SCN9A: variants seen among roughly 807,000 people sequenced by gnomAD.
SCN9A encodes sodium voltage-gated channel alpha subunit 9.
In SCN9A, 131 loss-of-function variants were observed where a neutral mutation model predicts 187.0. The ratio of observed to expected loss-of-function variants is 0.70; its 90% confidence interval spans 0.61 to 0.81. The LOEUF (loss-of-function observed/expected upper bound fraction) is 0.81, where lower values mean the gene tolerates loss of function less well. SCN9A is among the 30% of genes least tolerant of loss of function. The probability of loss-of-function intolerance (pLI) is 0.00; values close to 1 mark genes in which losing one functional copy is unlikely to be tolerated. For missense variants in SCN9A, 2,252 were observed against 2,396.6 expected (o/e 0.94, Z 1.26); for synonymous variants, 809 against 808.6 (o/e 1.00, Z -0.01).
At position 166,278,799 on chromosome 2, in the gene SCN9A, A is replaced by C. The variant is rs565979280; in HGVS notation, c.2344-486T>G. ...TCAGCAGAAGAGAAAAAAGTATTTA[A>C]TTGACAATGTGGCAGCTAAAGTAAT... On this transcript the variant is annotated intron_variant, in intron 14 of 26. Transcript: ENST00000642356. 3.9e-5 allele frequency among the ~76,000 whole-genome samples: 6 copies of C among 152,314 alleles called. No individual in the cohort carries two copies. In the South Asian group the frequency reaches 1.0e-3, roughly 26 times the overall value.
At position 166,311,523 on chromosome 2, in the gene SCN9A, C is replaced by T. The variant is rs1329216354; in HGVS notation, c.234G>A (p.Leu78=). 6.2e-7 allele frequency: 1 copy of T among 1,609,126 alleles called. No homozygotes were observed. Among genetic ancestry groups the T allele is most frequent in the Admixed American group, 1.7e-5 (1 of 59,702 alleles). The change falls in exon 2 of 27, where the codon TTG becomes TTA. Residue 78 remains leucine, a synonymous_variant. Transcript: ENST00000642356. ...CCTTTTTGTCTGCATAGTAGGGGTCCAAGTCCTCCAGGGGCTCTGACACCA... is the reference window on the plus strand; with the variant it reads ...CCTTTTTGTCTGCATAGTAGGGGTCTAAGTCCTCCAGGGGCTCTGACACCA... ...PGMVSEPLED[L]DPYYADKKTF...
At chr2:166,322,932 A>C in intron 1 of SCN9A, among the ~76,000 whole-genome samples, 2 of 152,240 alleles carry the variant, frequency 1.3e-5, no homozygotes, top group South Asian at 4.1e-4. Context: ...TTATTTTGTA[A>C]AATGTAATTT....
intron 1 of SCN9A, among the ~76,000 whole-genome samples, chr2:166,373,010 A>G (rs912319524): frequency 6.6e-6 from 1 of 152,202 alleles, no homozygotes; most frequent in Non-Finnish European, 1.5e-5. Flanking sequence ...ATGATCAAAA[A>G]TGATCTTTCC....
chr2:166,223,641 AG>A (rs1326298865), intron 24 of SCN9A, among the ~76,000 whole-genome samples: 11 of 152,240 alleles, frequency 7.2e-5, no homozygotes, highest in Admixed American at 5.2e-4. Flanking sequence ...AATAAGTTCT[AG>A]GGACTTCCTG....
At chr2:166,255,221 T>G (rs1696216792) in intron 17 of SCN9A, among the ~76,000 whole-genome samples, 1 of 151,460 alleles carries the variant, frequency 6.6e-6, no homozygotes, top group Non-Finnish European at 1.5e-5. Context: ...GATTGTAAAC[T>G]TATGTAGCTA....
At chr2:166,247,865 A>G (rs1695863742) in intron 18 of SCN9A, among the ~76,000 whole-genome samples, 1 of 152,180 alleles carries the variant, frequency 6.6e-6, no homozygotes, top group African/African-American at 2.4e-5. Context: ...TGTCATGTTC[A>G]TAATTATATA....
chr2:166,303,760 A>G (rs12615462), intron 6 of SCN9A, among the ~76,000 whole-genome samples: 55,920 of 151,970 alleles, frequency 0.37, 11,169 homozygotes, highest in Non-Finnish European at 0.45. Flanking sequence ...TTTAAAATCA[A>G]TTAAAATGGA....
intron 24 of SCN9A, among the ~76,000 whole-genome samples, chr2:166,223,584 T>A (rs1304018721): frequency 2.0e-5 from 3 of 152,144 alleles, no homozygotes; most frequent in Non-Finnish European, 4.4e-5. Flanking sequence ...GATGGGAGAA[T>A]GGAGAATTGC....
At chr2:166,353,089 T>C (rs1315427816) in intron 1 of SCN9A, among the ~76,000 whole-genome samples, 2 of 151,610 alleles carry the variant, frequency 1.3e-5, no homozygotes, top group African/African-American at 4.8e-5. Context: ...GCGTGGTGGC[T>C]AATGTCTGTA....
intron 22 of SCN9A, among the ~76,000 whole-genome samples, chr2:166,228,247 C>CTTTTTTTTTT (rs33924683): frequency 4.7e-5 from 4 of 85,972 alleles, no homozygotes; most frequent in African/African-American, 1.8e-4. Context: ...AAGACCAACA[C>CTTTTTTTTTT]TTTTTTTTTT....
At chr2:166,328,709 A>C (rs1247506695) in intron 1 of SCN9A, among the ~76,000 whole-genome samples, 1 of 152,154 alleles carries the variant, frequency 6.6e-6, no homozygotes, top group Non-Finnish European at 1.5e-5. Flanking sequence ...GCCTGTTTAC[A>C]TGTAAGGAAA....
At chr2:166,332,973 A>C (rs1156933659) in intron 1 of SCN9A, among the ~76,000 whole-genome samples, 1 of 151,434 alleles carries the variant, frequency 6.6e-6, no homozygotes, top group African/African-American at 2.4e-5. Flanking sequence ...TATATTTCAA[A>C]AATATTTTTG....
At chr2:166,347,248 T>C (rs1388016467) in intron 1 of SCN9A, among the ~76,000 whole-genome samples, 1 of 152,244 alleles carries the variant, frequency 6.6e-6, no homozygotes, top group Non-Finnish European at 1.5e-5. Context: ...TGGGATCTTT[T>C]ATTTTTTTGA....
chr2:166,273,492 C>A (rs1010838554), intron 16 of SCN9A, among the ~76,000 whole-genome samples: 4 of 152,126 alleles, frequency 2.6e-5, no homozygotes, highest in African/African-American at 9.7e-5. Context: ...ACCTGATTCA[C>A]ATGCAATAAT....
intron 7 of SCN9A, among the ~76,000 whole-genome samples, chr2:166,299,826 T>C (rs1243112569): frequency 6.6e-6 from 1 of 150,796 alleles, no homozygotes; most frequent in African/African-American, 2.5e-5. Context: ...TCATTTTAAT[T>C]TTAGCTAGCT....
chr2:166,280,514 T>C lies in SCN9A; in HGVS notation c.2186A>G (p.Tyr729Cys), dbSNP rs1377188297. ...GATACACTTTTTGAATTTTATCCAA[T>C]ATGGAGAGCAATTCCAGATCAAGAA... ...HKFLIWNCSP[Y>C]WIKFKKCIYF... Residue 729 changes from tyrosine (Y) to cysteine (C), a missense_variant, in exon 14 of 27, where the codon TAT (tyrosine) becomes TGT (cysteine). Transcript: ENST00000642356. The C allele has an allele frequency of 6.3e-7, 1 of 1,590,324 alleles. No individual in the cohort carries two copies. The highest frequency in any genetic ancestry group is 8.6e-7 in the Non-Finnish European group (1 of 1,166,374).
At chr2:166,303,007 A>G (rs998393038) in intron 7 of SCN9A, 83 bp downstream of exon 7, 1 of 1,089,404 alleles carries the variant, frequency 9.2e-7, no homozygotes, top group Non-Finnish European at 1.3e-6. Context: ...AATGATTAAA[A>G]TGAAAGCAAC....
intron 1 of SCN9A, among the ~76,000 whole-genome samples, chr2:166,338,219 C>A (rs1269634641): frequency 1.3e-5 from 2 of 152,116 alleles, no homozygotes; most frequent in East Asian, 3.9e-4. Context: ...GCTTGTCTCA[C>A]ATGAACCCTT....
At chr2:166,243,361 C>T (rs1373437263) in intron 18 of SCN9A, among the ~76,000 whole-genome samples, 1 of 151,908 alleles carries the variant, frequency 6.6e-6, no homozygotes, top group Non-Finnish European at 1.5e-5. Flanking sequence ...ATTTCCTTTC[C>T]TCAGTGAATT....
Sources: allele counts gnomAD v4.1 joint callset (sites outside exome capture counted in the v4.1 genomes callset), GRCh38; gene constraint gnomAD v4.1.1; transcripts MANE v1.5; gene names NCBI Gene and HGNC (gene_info 2026-07-23, HGNC 2026-07-21).